The following HDAC9 variants were observed in gnomAD, a reference collection of about 807,000 sequenced individuals.
The protein encoded by HDAC9 is histone deacetylase 9.
HDAC9 carries 41 observed loss-of-function variants against 139.4 expected under a neutral mutation model. That is an observed-to-expected ratio of 0.29 (90% confidence interval 0.23 to 0.38). The LOEUF is 0.38. Ranked by LOEUF, HDAC9 falls within the 10% of genes least tolerant of loss-of-function variation. The pLI, the probability that HDAC9 is intolerant of heterozygous loss-of-function variation, is 1.00. For missense variants in HDAC9, 1,147 were observed against 1,297.0 expected, an observed-to-expected ratio of 0.88 and a Z score of 1.78; for synonymous variants, 517 against 476.2, an observed-to-expected ratio of 1.09 and a Z score of -1.12.
intron 24 of HDAC9, among the ~76,000 whole-genome samples, chr7:18,964,291 T>C (rs965730236): frequency 6.6e-6 from 1 of 152,172 alleles, no homozygotes; most frequent in Non-Finnish European, 1.5e-5. Context: ...TTAACTCCTA[T>C]ACATACTTCA....
upstream of HDAC9, among the ~76,000 whole-genome samples, chr7:18,285,614 T>C (rs535931067): frequency 2.0e-5 from 3 of 152,236 alleles, no homozygotes; most frequent in South Asian, 6.2e-4. Context: ...ATCATGTGCT[T>C]GTCATTATCT....
intron 22 of HDAC9, among the ~76,000 whole-genome samples, chr7:18,913,314 A>G (rs141134513): frequency 2.0e-5 from 3 of 152,234 alleles, no homozygotes; most frequent in African/African-American, 7.2e-5. Context: ...TACTTGATGC[A>G]CAAATGTTTT....
chr7:18,108,632 T>G (rs1584090494), intron 1 of HDAC9, among the ~76,000 whole-genome samples: 1 of 98,574 alleles, frequency 1.0e-5, no homozygotes, highest in Non-Finnish European at 2.3e-5. Context: ...TTTTTTTTTT[T>G]GGATATGGAG....
At chr7:18,571,029 C>G (rs1824103533) in intron 2 of HDAC9, among the ~76,000 whole-genome samples, 1 of 152,218 alleles carries the variant, frequency 6.6e-6, no homozygotes, top group Non-Finnish European at 1.5e-5. Context: ...AAAGTGCTTC[C>G]TGACAAAGGA....
intron 25 of HDAC9, among the ~76,000 whole-genome samples, chr7:18,985,610 G>A (rs1361634302): frequency 2.0e-5 from 3 of 148,202 alleles, no homozygotes; most frequent in African/African-American, 7.6e-5. Context: ...GGGTCAAATG[G>A]TATTTCTAGT....
upstream of HDAC9, among the ~76,000 whole-genome samples, chr7:18,491,932 T>G (rs1422617575): frequency 3.3e-5 from 5 of 151,946 alleles, no homozygotes; most frequent in Non-Finnish European, 7.4e-5. Flanking sequence ...TTTAATAGGT[T>G]TCTAAGTATT....
intron 16 of HDAC9, among the ~76,000 whole-genome samples, chr7:18,791,877 A>G (rs1261291565): frequency 6.6e-6 from 1 of 152,186 alleles, no homozygotes; most frequent in African/African-American, 2.4e-5. Flanking sequence ...CTAAAATCGT[A>G]TGCAGATGGT....
intron 1 of HDAC9, among the ~76,000 whole-genome samples, chr7:18,470,152 CAAAT>C (rs1157233319): frequency 6.6e-6 from 1 of 151,694 alleles, no homozygotes; most frequent in Non-Finnish European, 1.5e-5. Context: ...CTGTCTTTAC[CAAAT>C]AAATAAATAA....
chr7:18,796,158 A>C (rs1351614758), intron 17 of HDAC9, among the ~76,000 whole-genome samples: 3 of 152,198 alleles, frequency 2.0e-5, no homozygotes, highest in African/African-American at 7.2e-5. Context: ...GCTTTATTTG[A>C]AATATGATGT....
chr7:18,485,689 G>C (rs1210771820), intron 1 of HDAC9, among the ~76,000 whole-genome samples: 1 of 151,784 alleles, frequency 6.6e-6, no homozygotes, highest in South Asian at 2.1e-4. Context: ...CATAATGCTA[G>C]GAACTTTATA....
intron 2 of HDAC9, among the ~76,000 whole-genome samples, chr7:18,281,336 C>G (rs531744800): frequency 6.6e-5 from 10 of 152,306 alleles, no homozygotes; most frequent in African/African-American, 2.4e-4. Context: ...GAGGAAAATA[C>G]TGCATGGGTT....
intron 1 of HDAC9, among the ~76,000 whole-genome samples, chr7:18,126,036 T>C (rs1784642288): frequency 6.6e-6 from 1 of 152,144 alleles, no homozygotes; most frequent in Non-Finnish European, 1.5e-5. Flanking sequence ...GAAATCTGGT[T>C]CCATTAAATT....
chr7:18,779,737 G>GC (rs1200130444), intron 16 of HDAC9, among the ~76,000 whole-genome samples: 1 of 151,998 alleles, frequency 6.6e-6, no homozygotes, highest in African/African-American at 2.4e-5. Context: ...GTGGTAATGA[G>GC]CACTGCACCA....
chr7:18,127,770 G>A (rs1784758903), intron 1 of HDAC9, among the ~76,000 whole-genome samples: 1 of 151,472 alleles, frequency 6.6e-6, no homozygotes, highest in African/African-American at 2.4e-5. Flanking sequence ...ATTCTGATAG[G>A]GTATTTTTCC....
chr7:18,112,845 G>A (rs1205874694), intron 1 of HDAC9, among the ~76,000 whole-genome samples: 2 of 152,160 alleles, frequency 1.3e-5, no homozygotes, highest in Admixed American at 6.6e-5. Flanking sequence ...TGAAAAGTAT[G>A]GCAGAGAAGG....
Position 18,542,534 on chromosome 7 carries a change from A to G in HDAC9, c.23-42747A>G, listed in dbSNP as rs893125642. On this transcript the variant is annotated intron_variant, in intron 2 of 25. Transcript: ENST00000686413. ...GGAAAATTCTAAGATTTTTCTTTGT[A>G]TAGAATATGTGCAGATACTTTTTTA... Among the ~76,000 whole-genome samples, 3 of 152,230 alleles carry G rather than the reference A, an allele frequency of 2.0e-5. No individual in the cohort carries two copies. The South Asian group carries it at 6.2e-4, about 32-fold the overall frequency.
At chr7:18,361,583 C>A (rs1783781962) in intron 1 of HDAC9, among the ~76,000 whole-genome samples, 1 of 152,032 alleles carries the variant, frequency 6.6e-6, no homozygotes, top group African/African-American at 2.4e-5. Context: ...ACCAGGGAAA[C>A]CAAAGGAAAC....
At chr7:18,657,112 G>A (rs533977307) in intron 11 of HDAC9, among the ~76,000 whole-genome samples, 31 of 152,070 alleles carry the variant, frequency 2.0e-4, no homozygotes, top group East Asian at 1.9e-4. Context: ...TCTTTTGTCC[G>A]TTTTAAAATC....
chr7:18,783,272 C>G (rs1006821431), intron 16 of HDAC9, among the ~76,000 whole-genome samples: 1 of 152,022 alleles, frequency 6.6e-6, no homozygotes, highest in Non-Finnish European at 1.5e-5. Context: ...CCAAATAGAA[C>G]TCTTTCTTTA....
Sources: gnomAD v4.1 joint callset for allele counts (sites outside exome capture counted in the v4.1 genomes callset) on GRCh38, gnomAD v4.1.1 for gene constraint, MANE v1.5 for transcripts, NCBI Gene and HGNC (gene_info 2026-07-23, HGNC 2026-07-21) for gene names.